Variants in SCML4 observed in about 807,000 individuals in gnomAD.
SCML4 encodes the protein Scm polycomb group protein like 4, also known as sex comb on midleg-like protein 4.
In SCML4, 34 loss-of-function variants were observed where a neutral mutation model predicts 41.1. The ratio of observed to expected loss-of-function variants is 0.83; its 90% confidence interval spans 0.63 to 1.10. SCML4 has a LOEUF of 1.10. Among genes scored for constraint, SCML4 ranks in the 50% least tolerant of loss-of-function variants. The pLI is 0.00. For synonymous variants in SCML4, 214 were observed against 220.9 expected, an observed-to-expected ratio of 0.97 and a Z score of 0.28; for missense variants, 522 against 534.1, an observed-to-expected ratio of 0.98 and a Z score of 0.22.
chr6:107,781,357 G>A (rs1012254332), intron 1 of SCML4, among the ~76,000 whole-genome samples: 6 of 152,114 alleles, frequency 3.9e-5, no homozygotes, highest in African/African-American at 1.4e-4. Flanking sequence ...GCCAAAAGAG[G>A]TTCCCCAAGC....
intron 1 of SCML4, among the ~76,000 whole-genome samples, chr6:107,812,467 C>T (rs1341885675): frequency 4.6e-5 from 7 of 152,288 alleles, no homozygotes; most frequent in Middle Eastern, 3.4e-3. Flanking sequence ...TAGATTGGGC[C>T]GTGGGTGCCC....
chr6:107,835,763 CAAAAAA>C, the SCML4 span, among the ~76,000 whole-genome samples: 4 of 86,340 alleles, frequency 4.6e-5, 1 homozygote, highest in South Asian at 4.5e-4. Context: ...GACCCCATCT[CAAAAAA>C]AAAAAAAAAA....
At chr6:107,833,668 G>A in the SCML4 span, among the ~76,000 whole-genome samples, 112,857 of 152,042 alleles carry the variant, frequency 0.74, 42,157 homozygotes, top group East Asian at 0.93. Flanking sequence ...GCTTCCCCCA[G>A]TTTGTGAGAA....
intron 5 of SCML4, among the ~76,000 whole-genome samples, chr6:107,729,849 G>T (rs932501979): frequency 6.6e-6 from 1 of 152,204 alleles, no homozygotes; most frequent in African/African-American, 2.4e-5. Flanking sequence ...GTCTAGAAAA[G>T]AAACTATGGT....
chr6:107,843,548 A>C, the SCML4 span, among the ~76,000 whole-genome samples: 1 of 152,106 alleles, frequency 6.6e-6, no homozygotes, highest in Non-Finnish European at 1.5e-5. Context: ...CCAGGAAAAC[A>C]ACTCCCACAC....
chr6:107,812,277 C>T (rs1784210498), intron 1 of SCML4, among the ~76,000 whole-genome samples: 1 of 152,212 alleles, frequency 6.6e-6, no homozygotes, highest in Admixed American at 6.5e-5. Context: ...GGAAGACAGT[C>T]AGAGGATCAC....
intron 6 of SCML4, among the ~76,000 whole-genome samples, chr6:107,718,087 G>A (rs1364844249): frequency 1.3e-5 from 2 of 152,172 alleles, no homozygotes; most frequent in Admixed American, 6.5e-5. Flanking sequence ...TCGGCCAGTC[G>A]TCTGGCAAGA....
chr6:107,826,379 G>A (rs1158122499), upstream of SCML4, among the ~76,000 whole-genome samples: 13 of 152,098 alleles, frequency 8.5e-5, no homozygotes, highest in Non-Finnish European at 1.3e-4. Context: ...CTGTCCCAGC[G>A]ACAGCGGTTA....
chr6:107,788,680 G>T (rs574670730), intron 1 of SCML4, among the ~76,000 whole-genome samples: 60 of 151,654 alleles, frequency 4.0e-4, no homozygotes, highest in African/African-American at 8.0e-4. Context: ...TATTAGGGAG[G>T]GTTTTAGAGC....
At chr6:107,801,840 C>A (rs1783155694) in intron 1 of SCML4, among the ~76,000 whole-genome samples, 1 of 152,018 alleles carries the variant, frequency 6.6e-6, no homozygotes, top group Non-Finnish European at 1.5e-5. Context: ...TCTCGGCTCA[C>A]CACAACCTCC....
At position 107,749,783 on chromosome 6, in the gene SCML4, C is replaced by G; in HGVS notation, c.187G>C (p.Ala63Pro). The change falls in exon 3 of 8, where the codon GCC becomes CCC. Residue 63 changes from alanine (A) to proline (P), a missense_variant. By Grantham distance (27) the Ala-to-Pro change is conservative. Transcript: ENST00000369020. ...GGGGTACTCCGCGGAGGTGAGAGGG[C>G]TAAGGGAGTCATGAGAACCCGAGAC... The part of the protein sequence containing the change: ...IKSRVLMTPL[A>P]LSPPRSTPEP... 6.2e-7 allele frequency: 1 copy of G among 1,614,068 alleles called. No homozygotes were observed. The highest frequency in any genetic ancestry group is 8.5e-7 in the Non-Finnish European group (1 of 1,179,988).
chr6:107,822,345 C>T (rs1042410556), intron 1 of SCML4, among the ~76,000 whole-genome samples: 3 of 152,108 alleles, frequency 2.0e-5, no homozygotes, highest in African/African-American at 7.2e-5. Flanking sequence ...ACCCTCACCC[C>T]CAGGAGTCAA....
At chr6:107,743,998 A>G (rs1020522390) in intron 5 of SCML4, 1 of 151,988 alleles carries the variant, frequency 6.6e-6, no homozygotes, top group Non-Finnish European at 1.5e-5. Context: ...TCCTAAGCTC[A>G]TGCATTTGAC....
At chr6:107,706,236 C>T (rs1019775927) in intron 7 of SCML4, among the ~76,000 whole-genome samples, 3 of 152,118 alleles carry the variant, frequency 2.0e-5, no homozygotes, top group African/African-American at 7.2e-5. Flanking sequence ...TGGGCCACTC[C>T]CAGGAGCCTC....
chr6:107,838,913 A>G, the SCML4 span, among the ~76,000 whole-genome samples: 1 of 152,054 alleles, frequency 6.6e-6, no homozygotes, highest in Non-Finnish European at 1.5e-5. Context: ...TTCAAGAGTT[A>G]AGCCCTCTTA....
At chr6:107,766,479 A>G (rs1780056506) in intron 2 of SCML4, among the ~76,000 whole-genome samples, 1 of 152,190 alleles carries the variant, frequency 6.6e-6, no homozygotes, top group Non-Finnish European at 1.5e-5. Context: ...CTGTCCAGAT[A>G]AAAAACAAAA....
At chr6:107,796,434 C>T (rs146584773) in intron 1 of SCML4, among the ~76,000 whole-genome samples, 208 of 152,242 alleles carry the variant, frequency 1.4e-3, no homozygotes, top group African/African-American at 4.2e-3. Context: ...TGGCTATTTA[C>T]ATATCTTCTG....
At chr6:107,736,930 A>T (rs1189748330) in intron 5 of SCML4, among the ~76,000 whole-genome samples, 1 of 152,260 alleles carries the variant, frequency 6.6e-6, no homozygotes, top group Non-Finnish European at 1.5e-5. Flanking sequence ...GAAGCTACTC[A>T]GCAAAAGTAA....
upstream of SCML4, among the ~76,000 whole-genome samples, chr6:107,825,823 G>C (rs1013933667): frequency 1.3e-5 from 2 of 150,258 alleles, no homozygotes; most frequent in Non-Finnish European, 2.9e-5. Context: ...TGTAGTCCCA[G>C]CTACTTGGGA....
Sources: allele counts gnomAD v4.1 joint callset (sites outside exome capture counted in the v4.1 genomes callset), GRCh38; gene constraint gnomAD v4.1.1; transcripts MANE v1.5; gene names NCBI Gene and HGNC (gene_info 2026-07-23, HGNC 2026-07-21).